Variants in DDR2 observed in about 807,000 individuals in gnomAD.
DDR2 encodes discoidin domain receptor tyrosine kinase 2.
In DDR2, 27 loss-of-function variants were observed where a neutral mutation model predicts 94.9. The observed-to-expected ratio is 0.28, with a 90% CI of 0.21 to 0.39. The LOEUF is 0.39. Among genes scored for constraint, DDR2 ranks in the 10% least tolerant of loss-of-function variants. The pLI is 1.00. For synonymous variants in DDR2, 382 were observed against 377.2 expected (o/e 1.01, Z -0.15); for missense variants, 783 against 1,076.0 (o/e 0.73, Z 3.81).
intron 3 of DDR2, among the ~76,000 whole-genome samples, chr1:162,723,529 A>G (rs764911464): frequency 6.6e-6 from 1 of 152,142 alleles, no homozygotes; most frequent in African/African-American, 2.4e-5. Context: ...ACGTTTTTCC[A>G]GGTAGGAGGA....
intron 2 of DDR2, 141 bp from the exon 3 acceptor site, chr1:162,718,896 T>A: frequency 1.3e-6 from 1 of 766,398 alleles, no homozygotes; most frequent in South Asian, 1.6e-5. Flanking sequence ...AGTCTGTGAT[T>A]CGAAGTCCCA....
chr1:162,705,583 G>A (rs566442157), intron 2 of DDR2, among the ~76,000 whole-genome samples: 2 of 152,286 alleles, frequency 1.3e-5, no homozygotes, highest in South Asian at 4.1e-4. Flanking sequence ...ACCACGGCTG[G>A]TAGATTTACA....
chr1:162,714,473 A>G (rs866649486), intron 2 of DDR2, among the ~76,000 whole-genome samples: 30 of 152,168 alleles, frequency 2.0e-4, no homozygotes, highest in African/African-American at 7.0e-4. Context: ...AAAGGCTACT[A>G]AAGCATCTGA....
intron 6 of DDR2, 81 bp downstream of exon 6, chr1:162,755,384 G>A: frequency 6.4e-7 from 1 of 1,552,430 alleles, no homozygotes; most frequent in East Asian, 2.3e-5. Context: ...AATCAGAAAG[G>A]GATGGGATCA....
intron 8 of DDR2, among the ~76,000 whole-genome samples, chr1:162,760,364 G>GTT (rs1663655672): frequency 6.7e-6 from 1 of 149,700 alleles, no homozygotes; most frequent in Non-Finnish European, 1.5e-5. Flanking sequence ...ACAGTTGTGT[G>GTT]TGTGTGTGTG....
At chr1:162,766,266 C>T (rs1663984613) in intron 10 of DDR2, among the ~76,000 whole-genome samples, 1 of 152,186 alleles carries the variant, frequency 6.6e-6, no homozygotes, top group Non-Finnish European at 1.5e-5. Context: ...TCATGTGCTT[C>T]TTCAGCTGAG....
intron 1 of DDR2, among the ~76,000 whole-genome samples, chr1:162,644,216 A>T (rs1657295676): frequency 6.6e-6 from 1 of 152,248 alleles, no homozygotes; most frequent in Non-Finnish European, 1.5e-5. Flanking sequence ...TAGCATTTTT[A>T]AAAATAATGA....
At chr1:162,641,622 T>C (rs1458314949) in intron 1 of DDR2, among the ~76,000 whole-genome samples, 1 of 152,168 alleles carries the variant, frequency 6.6e-6, no homozygotes, top group Admixed American at 6.5e-5. Flanking sequence ...CAGTTCTTAT[T>C]TGTTGTTGGA....
chr1:162,747,457 G>C (rs1181904220), intron 3 of DDR2, among the ~76,000 whole-genome samples: 1 of 48,500 alleles, frequency 2.1e-5, no homozygotes, highest in Non-Finnish European at 8.2e-5. Context: ...AGAAAAAAGA[G>C]TAAAAAAAAA....
intron 2 of DDR2, among the ~76,000 whole-genome samples, chr1:162,659,101 G>A (rs371526124): frequency 6.6e-6 from 1 of 152,180 alleles, no homozygotes; most frequent in Non-Finnish European, 1.5e-5. Context: ...CCTGTGATGT[G>A]TAAGGGACTC....
chr1:162,768,757 C>G (rs1358585782), intron 11 of DDR2, among the ~76,000 whole-genome samples: 1 of 152,092 alleles, frequency 6.6e-6, no homozygotes, highest in Non-Finnish European at 1.5e-5. Flanking sequence ...CCTTGCTTCC[C>G]ACAAGTATGT....
rs1280006815 is a variant in DDR2 at position 162,784,123 on chromosome 1, C to T, written c.*3877C>T. 1.3e-5 allele frequency: 2 copies of T among 152,236 alleles called. No individual in the cohort carries two copies. The highest frequency in any genetic ancestry group is 1.5e-5 in the Non-Finnish European group (1 of 68,008). The allele number at this position is 152,236 out of a possible 1,614,324, so 9.4% of individuals were successfully genotyped here. Reference sequence around the variant, plus strand: ...AAACAGATATGCACCATGTTGGAAACATGTGTTTTCCTAGTCCCATCCAGG... The same window carrying T: ...AAACAGATATGCACCATGTTGGAAATATGTGTTTTCCTAGTCCCATCCAGG... On this transcript the variant is annotated 3_prime_UTR_variant, in exon 18 of 18. Transcript: ENST00000367921.
intron 2 of DDR2, among the ~76,000 whole-genome samples, chr1:162,673,409 A>T (rs1558018681): frequency 6.6e-6 from 1 of 152,158 alleles, no homozygotes; most frequent in Admixed American, 6.5e-5. Context: ...TTTTAAGGTG[A>T]CATCAATGCT....
At position 162,776,131 on chromosome 1, in the gene DDR2, C is replaced by T. The variant is rs2102198000; in HGVS notation, c.2049-5C>T. 6.2e-7 allele frequency: 1 copy of T among 1,609,652 alleles called. No homozygotes were observed. Among genetic ancestry groups the T allele is most frequent in the Non-Finnish European group, 8.5e-7 (1 of 1,176,418 alleles). ...TACCTTCTGTCTTCTTGTCTATTTC[C>T]TCAGTTACACCAATCTGAAGTTTAT... On this transcript the variant is annotated splice_region_variant and splice_polypyrimidine_tract_variant and intron_variant, in intron 15 of 17. Transcript: ENST00000367921.
chr1:162,770,904 T>A (rs1168411889), intron 12 of DDR2, among the ~76,000 whole-genome samples: 1 of 152,202 alleles, frequency 6.6e-6, no homozygotes, highest in Non-Finnish European at 1.5e-5. Context: ...CAGGACTAGA[T>A]TTTTACCTGG....
In DDR2 at chr1:162,778,534, G is replaced by T. The variant is rs148160620; in HGVS notation, c.2284-46G>T. 228 of 1,612,024 alleles carry T rather than the reference G, an allele frequency of 1.4e-4. No individual in the cohort carries two copies. In the African/African-American group the frequency reaches 2.8e-3, roughly 20 times the overall value. On this transcript the variant is annotated intron_variant, in intron 16 of 17. Transcript: ENST00000367921. The stretch of plus-strand genomic sequence containing the variant: ...TTATGAAATTTAACAGGGTGTTGTT[G>T]TGCACAGGTTATTCTGATTTCCCAT...
At chr1:162,727,571 G>A (rs2805035) in intron 3 of DDR2, among the ~76,000 whole-genome samples, 215 of 147,680 alleles carry the variant, frequency 1.5e-3, no homozygotes, top group Non-Finnish European at 2.7e-3. Context: ...TAAATACAGA[G>A]AAGCCTGGGA....
chr1:162,748,187 T>A (rs905073546), intron 3 of DDR2, among the ~76,000 whole-genome samples: 1 of 152,190 alleles, frequency 6.6e-6, no homozygotes, highest in Non-Finnish European at 1.5e-5. Context: ...AATGCTCCAA[T>A]TAAAAGACAC....
rs73024597 is a variant in DDR2 at position 162,725,374 on chromosome 1, G to A, written c.82+6229G>A. ...ACAATGTATCAGTTAAGAGTTTTTC[G>A]CTTGTTTTTTTGTTTGTTTTTGGAG... is the stretch of plus-strand genomic sequence containing the variant. On this transcript the variant is annotated intron_variant, in intron 3 of 17. Coordinates refer to ENST00000367921, the MANE Select transcript of DDR2 (RefSeq NM_006182.4). 3.2e-3 allele frequency among the ~76,000 whole-genome samples: 483 copies of A among 151,920 alleles called. 1 individual carries two copies. The highest frequency in any genetic ancestry group is 0.011 in the African/African-American group (454 of 41,424).
Sources: allele counts gnomAD v4.1 joint callset (sites outside exome capture counted in the v4.1 genomes callset), GRCh38; gene constraint gnomAD v4.1.1; transcripts MANE v1.5; gene names NCBI Gene and HGNC (gene_info 2026-07-23, HGNC 2026-07-21).